Variants in BOC observed in about 807,000 individuals in gnomAD.
BOC encodes BOC cell adhesion associated, oncogene regulated.
In BOC, 76 loss-of-function variants were observed where a neutral mutation model predicts 112.0. The observed-to-expected ratio is 0.68, with a 90% CI of 0.56 to 0.82. The LOEUF (loss-of-function observed/expected upper bound fraction) is 0.82. Ranked by LOEUF, BOC falls within the 40% of genes least tolerant of loss-of-function variation. The pLI, the probability that BOC is intolerant of heterozygous loss-of-function variation, is 0.00. For missense variants in BOC, 1,309 were observed against 1,511.7 expected (o/e 0.87, Z 2.22); for synonymous variants, 580 against 599.8 (o/e 0.97, Z 0.48).
chr3:113,237,769 C>A (rs1410867073), intron 2 of BOC, among the ~76,000 whole-genome samples: 1 of 152,220 alleles, frequency 6.6e-6, no homozygotes, highest in East Asian at 1.9e-4. Context: ...ATTGGTTCCA[C>A]CATTAATAAC....
intron 15 of BOC, among the ~76,000 whole-genome samples, chr3:113,282,859 A>G (rs775230): frequency 0.38 from 57,565 of 151,824 alleles, 11,839 homozygotes; most frequent in East Asian, 0.59. Flanking sequence ...TGCACCTCCT[A>G]ACAGCAAAGC....
In BOC at chr3:113,283,577, TCTC is replaced by T. The variant is rs2107746871; in HGVS notation, c.2602_2604del (p.Leu868del). ...TCGGGGTCGTCCTGGGCTCCATCGTTCTCATCATCGTCACCTTCATCCCCTTCT... is the reference window on the plus strand; with the variant it reads ...TCGGGGTCGTCCTGGGCTCCATCGTTATCATCGTCACCTTCATCCCCTTCT... On this transcript the variant is annotated inframe_deletion, in exon 16 of 20. Coordinates refer to ENST00000682979, the MANE Select transcript of BOC (RefSeq NM_001378074.1). The T allele has an allele frequency of 6.2e-7, 1 of 1,613,720 alleles. No homozygotes were observed. The highest frequency in any genetic ancestry group is 8.5e-7 in the Non-Finnish European group (1 of 1,179,948).
chr3:113,252,938 G>T (rs930584802), intron 4 of BOC, among the ~76,000 whole-genome samples: 2 of 152,272 alleles, frequency 1.3e-5, no homozygotes, highest in East Asian at 3.9e-4. Flanking sequence ...AAGGTAGAGG[G>T]TGCAGAGGGG....
intron 2 of BOC, among the ~76,000 whole-genome samples, chr3:113,243,418 T>C (rs1179663438): frequency 1.3e-5 from 2 of 152,234 alleles, no homozygotes; most frequent in African/African-American, 4.8e-5. Flanking sequence ...CGTTCTGCCT[T>C]AAGGTATTAG....
intron 4 of BOC, chr3:113,261,873 C>A (rs1356921023): frequency 6.6e-6 from 1 of 152,114 alleles, no homozygotes; most frequent in Non-Finnish European, 1.5e-5. Flanking sequence ...TCCCAGCTTT[C>A]TTCCACTGCT....
At chr3:113,218,154 G>A (rs1433439578) in intron 2 of BOC, among the ~76,000 whole-genome samples, 3 of 152,200 alleles carry the variant, frequency 2.0e-5, no homozygotes, top group Non-Finnish European at 2.9e-5. Context: ...TGAGGAAAGC[G>A]GAGCCTGTGG....
intron 2 of BOC, among the ~76,000 whole-genome samples, chr3:113,239,825 T>C (rs1410575535): frequency 2.0e-5 from 3 of 152,094 alleles, no homozygotes; most frequent in Non-Finnish European, 4.4e-5. Flanking sequence ...TGTGTGGAGC[T>C]CTCCTCTGTA....
chr3:113,254,588 G>T lies in BOC; in HGVS notation c.376+3755G>T, dbSNP rs147361682. Among the ~76,000 whole-genome samples the T allele has an allele frequency of 7.2e-3, 1,092 of 152,340 alleles. 17 individuals are homozygous for T. The highest frequency in any genetic ancestry group is 0.024 in the African/African-American group (1,008 of 41,574). On this transcript the variant is annotated intron_variant, in intron 4 of 19. Coordinates refer to ENST00000682979, the MANE Select transcript of BOC (RefSeq NM_001378074.1). ...TGGTAGACGGGATTACCGAAGGCAC[G>T]GTCTGCATTTAGAGGAAAGACTGGG...
intron 2 of BOC, among the ~76,000 whole-genome samples, chr3:113,223,124 G>A (rs571131092): frequency 6.6e-6 from 1 of 152,342 alleles, no homozygotes; most frequent in Admixed American, 6.5e-5. Flanking sequence ...GATCCTAAGA[G>A]GTCTTATGCT....
At chr3:113,236,035 C>T (rs1427850168) in intron 2 of BOC, among the ~76,000 whole-genome samples, 2 of 151,602 alleles carry the variant, frequency 1.3e-5, no homozygotes, top group African/African-American at 2.4e-5. Flanking sequence ...ATAGAAGTAT[C>T]ATATGATCCA....
rs1304593846 is a variant in BOC, at chr3:113,268,283, T to TC, written c.377-13dup. ...CTCTGCTGTCCTCCAACCAGCACCT[T>TC]CCCTTCTCTTCACAGATCTCCAGGA... On this transcript the variant is annotated splice_polypyrimidine_tract_variant and intron_variant, in intron 4 of 19. Coordinates refer to ENST00000682979, the MANE Select transcript of BOC (RefSeq NM_001378074.1). 6.2e-7 allele frequency: 1 copy of TC among 1,613,898 alleles called. No homozygotes were observed. Among genetic ancestry groups the TC allele is most frequent in the Non-Finnish European group, 8.5e-7 (1 of 1,179,930 alleles).
intron 2 of BOC, among the ~76,000 whole-genome samples, chr3:113,236,228 A>ATATGTGTG (rs1943428735): frequency 1.3e-5 from 1 of 77,992 alleles, no homozygotes. Flanking sequence ...ATATACGTAT[A>ATATGTGTG]TGTGTGTGTG....
intron 2 of BOC, among the ~76,000 whole-genome samples, chr3:113,247,513 A>AAAAAAAAAC: frequency 6.6e-6 from 1 of 151,576 alleles, no homozygotes; most frequent in African/African-American, 2.4e-5. Flanking sequence ...AAAAAAAAAA[A>AAAAAAAAAC]AAAAGGGAAA....
chr3:113,232,995 G>A (rs572398563), intron 2 of BOC, among the ~76,000 whole-genome samples: 11 of 152,252 alleles, frequency 7.2e-5, no homozygotes, highest in Admixed American at 3.3e-4. Context: ...TGTCCATGTC[G>A]CAGTGCAGCC....
intron 2 of BOC, among the ~76,000 whole-genome samples, chr3:113,219,458 A>G (rs1239976603): frequency 6.6e-6 from 1 of 152,256 alleles, no homozygotes; most frequent in East Asian, 1.9e-4. Context: ...TATTCCACAG[A>G]TAAGGAAGCT....
intron 4 of BOC, among the ~76,000 whole-genome samples, chr3:113,255,141 C>T (rs949473076): frequency 1.3e-5 from 2 of 152,194 alleles, no homozygotes; most frequent in Non-Finnish European, 2.9e-5. Context: ...GCTGCCAATG[C>T]CCTGCTTCAG....
rs568640307 is a variant in BOC at position 113,240,504 on chromosome 3, A to G, written c.-81-9218A>G. On this transcript the variant is annotated intron_variant, in intron 2 of 19. Transcript: ENST00000682979. Reference sequence around the variant, plus strand: ...TGTTTGTCACCAGTAGTAAAACTCTAGGAGCATGTATTCATTCAGGAACCA... The same window carrying G: ...TGTTTGTCACCAGTAGTAAAACTCTGGGAGCATGTATTCATTCAGGAACCA... 7.8e-4 allele frequency among the ~76,000 whole-genome samples: 119 copies of G among 152,336 alleles called. No individual in the cohort carries two copies. In the South Asian group the frequency reaches 0.022, roughly 28 times the overall value.
chr3:113,272,373 C>G (rs1168369943), intron 6 of BOC, 37 bp from the exon 7 acceptor site: 1 of 1,599,878 alleles, frequency 6.3e-7, no homozygotes, highest in Non-Finnish European at 8.5e-7. Context: ...CATCCTGGTC[C>G]ACACGCCTTC....
chr3:113,255,245 C>T (rs528865186), intron 4 of BOC, among the ~76,000 whole-genome samples: 49 of 151,852 alleles, frequency 3.2e-4, no homozygotes, highest in Non-Finnish European at 5.9e-4. Context: ...TCACACCAGG[C>T]AGCCAACCGC....
Sources: allele counts gnomAD v4.1 joint callset (sites outside exome capture counted in the v4.1 genomes callset), GRCh38; gene constraint gnomAD v4.1.1; transcripts MANE v1.5; gene names NCBI Gene and HGNC (gene_info 2026-07-23, HGNC 2026-07-21).